The following CD7 variants were observed in gnomAD, a reference collection of about 807,000 sequenced individuals.
CD7 encodes the protein T-cell antigen CD7.
Under a neutral mutation model 17.6 loss-of-function variants are expected in CD7, and 19 were observed. That is an observed-to-expected ratio of 1.08 (90% CI 0.75 to 1.58). The LOEUF is 1.58. CD7 is among the 40% of genes most tolerant of loss of function. The pLI is 0.00. For synonymous variants in CD7, 160 were observed against 159.8 expected (o/e 1.00, Z -0.01); for missense variants, 291 against 327.1 (o/e 0.89, Z 0.85).
Position 82,316,702 on chromosome 17 carries a change from T to C in CD7, c.362A>G (p.Asn121Ser), listed in dbSNP as rs943341275. The change falls in exon 2 of 4, where the codon AAT becomes AGT. Residue 121 changes from asparagine to serine, a missense_variant. Transcript: ENST00000312648. ...TYTCQAITEV[N>S]VYGSGTLVLV... The stretch of plus-strand genomic sequence containing the variant: ...GACCAGGGTGCCGGAGCCGTAGACA[T>C]TGACCTCCGTGATGGCCTGGCAGGT... The C allele has an allele frequency of 2.5e-6, 4 of 1,613,286 alleles. No individual in the cohort carries two copies. Among genetic ancestry groups the C allele is most frequent in the African/African-American group, 2.7e-5 (2 of 74,876 alleles).
At chr17:82,317,316 T>A in intron 1 of CD7, 98 bp downstream of exon 1, 1 of 1,212,982 alleles carries the variant, frequency 8.2e-7, no homozygotes, top group Non-Finnish European at 1.2e-6. Context: ...CCCACCCGCT[T>A]CCTGGGGGCT....
At chr17:82,315,951 A>G (rs2052008308) in intron 3 of CD7, 2 of 634,906 alleles carry the variant, frequency 3.2e-6, no homozygotes, top group Admixed American at 5.6e-5. Flanking sequence ...AGACACTCAC[A>G]CCTGCACACG....
intron 1 of CD7, 100 bp downstream of exon 1, chr17:82,317,314 C>A: frequency 8.3e-7 from 1 of 1,205,214 alleles, no homozygotes; most frequent in Non-Finnish European, 1.2e-6. Context: ...ACCCCACCCG[C>A]TTCCTGGGGG....
rs75967263 is a variant in CD7 at position 82,316,217 on chromosome 17, G to A, written c.590C>T (p.Ala197Val). The part of the protein sequence containing the change: ...SFLLGLGLGV[A>V]CVLARTQIKK... ...GACCTGTGTCCTCGCCAGCACACAC[G>A]CCACCCCCAGGCCCAGCCCGAGGAG... Residue 197 changes from alanine to valine, a missense_variant, in exon 3 of 4, where the codon GCG becomes GTG. Transcript: ENST00000312648. 41 of 1,564,428 alleles carry A rather than the reference G, an allele frequency of 2.6e-5. No individual in the cohort carries two copies. In the East Asian group the frequency reaches 3.6e-4, roughly 14 times the overall value.
Position 82,316,678 on chromosome 17 carries a change from A to G in CD7, c.386T>C (p.Val129Ala). The change falls in exon 2 of 4, where the codon GTC becomes GCC. Residue 129 changes from valine (V) to alanine (A), a missense_variant. Physicochemically the swap from Val to Ala is moderately conservative, Grantham distance 64. Coordinates refer to ENST00000312648, the MANE Select transcript of CD7 (RefSeq NM_006137.7). ...GGCACATTCCCTACCTGTCACCAGG[A>G]CCAGGGTGCCGGAGCCGTAGACATT... Reference protein sequence around the residue: ...EVNVYGSGTLVLVTEEQSQGW... With the variant: ...EVNVYGSGTLALVTEEQSQGW... The G allele has an allele frequency of 6.2e-7, 1 of 1,611,600 alleles. No individual in the cohort carries two copies. Among genetic ancestry groups the G allele is most frequent in the African/African-American group, 1.3e-5 (1 of 75,004 alleles).
chr17:82,315,364 T>C lies in CD7; in HGVS notation c.680A>G (p.His227Arg). The C allele has an allele frequency of 6.2e-7, 1 of 1,612,562 alleles. No homozygotes were observed. The highest frequency in any genetic ancestry group is 8.5e-7 in the Non-Finnish European group (1 of 1,179,734). ...AACVVYEDMS[H>R]SRCNTLSSPN... ...GGAGGACAGCGTGTTGCAGCGGCTG[T>C]GCGACATGTCCTCGTACACCACACA... Residue 227 changes from histidine to arginine, a missense_variant, in exon 4 of 4, where the codon CAC becomes CGC. By Grantham distance (29) the His-to-Arg change is conservative. Coordinates refer to ENST00000312648, the MANE Select transcript of CD7 (RefSeq NM_006137.7).
In CD7 at chr17:82,316,770, A is replaced by C; in HGVS notation, c.294T>G (p.Thr98=). Residue 98 remains threonine (T), a synonymous_variant, in exon 2 of 4, where the codon ACT becomes ACG. Coordinates refer to ENST00000312648, the MANE Select transcript of CD7 (RefSeq NM_006137.7). ...IDFSGSQDNL[T]ITMHRLQLSD... ...ACAGCTGCAGGCGGTGCATGGTGAT[A>C]GTCAGGTTGTCCTGGGACCCTGAGA... 6.2e-7 allele frequency: 1 copy of C among 1,613,792 alleles called. No individual in the cohort carries two copies. Among genetic ancestry groups the C allele is most frequent in the Non-Finnish European group, 8.5e-7 (1 of 1,179,936 alleles).
In CD7 at chr17:82,315,362, T is replaced by C. The variant is rs1424555563; in HGVS notation, c.682A>G (p.Ser228Gly). Residue 228 changes from serine (S) to glycine (G), a missense_variant, in exon 4 of 4, where the codon AGC becomes GGC. Coordinates refer to ENST00000312648, the MANE Select transcript of CD7 (RefSeq NM_006137.7). ...GGGGAGGACAGCGTGTTGCAGCGGC[T>C]GTGCGACATGTCCTCGTACACCACA... ...ACVVYEDMSHSRCNTLSSPNQ... is the reference protein window; with the variant it reads ...ACVVYEDMSHGRCNTLSSPNQ... 7 of 1,613,476 alleles carry C rather than the reference T, an allele frequency of 4.3e-6. No homozygotes were observed. The highest frequency in any genetic ancestry group is 5.9e-6 in the Non-Finnish European group (7 of 1,179,852).
rs754608083 is a variant in CD7, at chr17:82,316,314, G to T, written c.493C>A (p.Gln165Lys). The stretch of plus-strand genomic sequence containing the variant: ...GGGTCAGGGAGGGCAGAGGCTGTCT[G>T]CGGGTCAGGGAGGGCGGAGCCTGTC... ...PPTGSALPDP[Q>K]TASALPDPPA... Residue 165 changes from glutamine (Q) to lysine (K), a missense_variant, in exon 3 of 4, where the codon CAG becomes AAG. Transcript: ENST00000312648. The T allele has an allele frequency of 6.4e-6, 10 of 1,573,762 alleles. No individual in the cohort carries two copies. Among genetic ancestry groups the T allele is most frequent in the Non-Finnish European group, 8.6e-6 (10 of 1,158,374 alleles).
In CD7 at chr17:82,316,695, G is replaced by A. The variant is rs748857316; in HGVS notation, c.369C>T (p.Tyr123=). The A allele has an allele frequency of 1.7e-5, 28 of 1,613,012 alleles. No individual in the cohort carries two copies. Among genetic ancestry groups the A allele is most frequent in the Middle Eastern group, 1.6e-4 (1 of 6,084 alleles). The stretch of plus-strand genomic sequence containing the variant: ...TCACCAGGACCAGGGTGCCGGAGCC[G>A]TAGACATTGACCTCCGTGATGGCCT... ...TCQAITEVNV[Y]GSGTLVLVTE... is the part of the protein sequence containing the mutation. The change falls in exon 2 of 4, where the codon TAC becomes TAT. Residue 123 remains tyrosine (Y), a synonymous_variant. Coordinates refer to ENST00000312648, the MANE Select transcript of CD7 (RefSeq NM_006137.7).
At chr17:82,316,644 T>A in intron 2 of CD7, 23 bp downstream of exon 2, 1 of 1,598,778 alleles carries the variant, frequency 6.3e-7, no homozygotes, top group African/African-American at 1.4e-5. Flanking sequence ...GGGAGGGGGG[T>A]CTGGGATGGG....
chr17:82,315,954 T>TGCACACGC (rs111506197), intron 3 of CD7: 174,488 of 628,468 alleles, frequency 0.28, 25,838 homozygotes, highest in Middle Eastern at 0.32. Context: ...CACTCACACC[T>TGCACACGC]GCACACGCGC....
At chr17:82,315,970 C>G in intron 3 of CD7, 1 of 649,316 alleles carries the variant, frequency 1.5e-6, no homozygotes, top group East Asian at 2.7e-5. Context: ...CGCGCACACG[C>G]GCACACGCGG....
chr17:82,315,459 C>T, intron 3 of CD7, 28 bp from the exon 4 acceptor site: 1 of 1,574,678 alleles, frequency 6.4e-7, no homozygotes, highest in Non-Finnish European at 8.7e-7. Context: ...CGTCTCCAAC[C>T]AGTGGCCAGC....
In CD7 at chr17:82,315,568, C is replaced by T. The variant is rs2052002181; in HGVS notation, c.613-137G>A. 3 of 659,522 alleles carry T rather than the reference C, an allele frequency of 4.5e-6. No individual in the cohort carries two copies. The Admixed American group carries it at 7.0e-5, about 15-fold the overall frequency. 40.9% of individuals were successfully genotyped at this position (659,522 alleles called of 1,614,324 possible). A position where few individuals can be genotyped will look rare whatever the true frequency, so the allele number is the denominator to read the frequency against. ...GGCTGGCCCCCAGGTCTCCTGAGCC[C>T]CAGGGCTTCCCAGCAGAGCCTTCCC... is the stretch of plus-strand genomic sequence containing the variant. On this transcript the variant is annotated intron_variant, in intron 3 of 3. Coordinates refer to ENST00000312648, the MANE Select transcript of CD7 (RefSeq NM_006137.7).
At position 82,315,149 on chromosome 17, in the gene CD7, G is replaced by A; in HGVS notation, c.*172C>T. On this transcript the variant is annotated 3_prime_UTR_variant, in exon 4 of 4. Transcript: ENST00000312648. The stretch of plus-strand genomic sequence containing the variant: ...TCATTGTCCACTGAGAAGCACCGTG[G>A]GGCCTGGCCACTGCCTGTGTGTCTG... 1.7e-6 allele frequency: 1 copy of A among 596,556 alleles called. No individual in the cohort carries two copies. The highest frequency in any genetic ancestry group is 2.7e-5 in the Admixed American group (1 of 37,158). The allele number at this position is 596,556 out of a possible 1,614,324, so 37.0% of individuals were successfully genotyped here. A position where few individuals can be genotyped will look rare whatever the true frequency, so the allele number is the denominator to read the frequency against.
At chr17:82,315,462 T>C (rs2052000515) in intron 3 of CD7, 31 bp from the exon 4 acceptor site, 2 of 1,554,016 alleles carry the variant, frequency 1.3e-6, no homozygotes, top group Non-Finnish European at 1.8e-6. Context: ...CTCCAACCAG[T>C]GGCCAGCGTG....
rs923561742 is a variant in CD7, at chr17:82,317,125, T to G, written c.83-144A>C. 14 of 778,010 alleles carry G rather than the reference T, an allele frequency of 1.8e-5. No homozygotes were observed. In the African/African-American group the frequency reaches 2.1e-4, roughly 12 times the overall value. The allele number at this position is 778,010 out of a possible 1,614,324, so 48.2% of individuals were successfully genotyped here. A position where few individuals can be genotyped will look rare whatever the true frequency, so the allele number is the denominator to read the frequency against. On this transcript the variant is annotated intron_variant, in intron 1 of 3. Coordinates refer to ENST00000312648, the MANE Select transcript of CD7 (RefSeq NM_006137.7). ...CAAAGACACGGTGCCTTACGGGGCATGGAGCAGATCTGGGCACCGGCTGTG... is the reference window on the plus strand; with the variant it reads ...CAAAGACACGGTGCCTTACGGGGCAGGGAGCAGATCTGGGCACCGGCTGTG...
intron 2 of CD7, 29 bp from the exon 3 acceptor site, chr17:82,316,438 C>T: frequency 6.6e-7 from 1 of 1,526,486 alleles, no homozygotes; most frequent in Non-Finnish European, 8.8e-7. Context: ...GGAAGGGATT[C>T]TCCCGGTGGA....
Sources: gnomAD v4.1 joint callset for allele counts on GRCh38, gnomAD v4.1.1 for gene constraint, MANE v1.5 for transcripts, NCBI Gene and HGNC (gene_info 2026-07-23, HGNC 2026-07-21) for gene names.